Variants in ZFPM2 observed in about 807,000 individuals in gnomAD.
ZFPM2 encodes zinc finger protein, FOG family member 2.
ZFPM2 carries 20 observed loss-of-function variants against 98.6 expected under a neutral mutation model. The observed-to-expected ratio is 0.20, with a 90% CI of 0.14 to 0.29. The LOEUF (loss-of-function observed/expected upper bound fraction) is 0.29, where lower values mean the gene tolerates loss of function less well. ZFPM2 is among the 10% of genes least tolerant of loss of function. The pLI, the probability that ZFPM2 is intolerant of heterozygous loss-of-function variation, is 1.00. For missense variants in ZFPM2, 1,310 were observed against 1,388.6 expected (o/e 0.94, Z 0.90); for synonymous variants, 518 against 502.7 (o/e 1.03, Z -0.41).
Position 105,473,544 on chromosome 8 carries a change from G to C in ZFPM2, c.301+29163G>C, listed in dbSNP as rs576664997. Among the ~76,000 whole-genome samples the C allele has an allele frequency of 3.9e-5, 6 of 152,246 alleles. No individual in the cohort carries two copies. The South Asian group carries it at 6.2e-4, about 16-fold the overall frequency. On this transcript the variant is annotated intron_variant, in intron 3 of 7. Transcript: ENST00000407775. ...GATTCGAGATCTATTCAATTCTGGTGGGTTAAGAGAGGAAAGAAAAGAATC... is the reference window on the plus strand; with the variant it reads ...GATTCGAGATCTATTCAATTCTGGTCGGTTAAGAGAGGAAAGAAAAGAATC...
At chr8:105,394,069 A>G (rs1434543930) in intron 1 of ZFPM2, among the ~76,000 whole-genome samples, 1 of 151,608 alleles carries the variant, frequency 6.6e-6, no homozygotes, top group Non-Finnish European at 1.5e-5. Context: ...AATTTTTTGT[A>G]TTTTTATTAG....
intron 1 of ZFPM2, among the ~76,000 whole-genome samples, chr8:105,381,340 G>T: frequency 2.0e-5 from 3 of 151,896 alleles, no homozygotes; most frequent in Middle Eastern, 6.8e-3. Flanking sequence ...TCTTTTTCCA[G>T]TTTTTTTGAT....
chr8:105,532,083 G>A (rs926933680), intron 3 of ZFPM2, among the ~76,000 whole-genome samples: 12 of 151,718 alleles, frequency 7.9e-5, no homozygotes, highest in Non-Finnish European at 1.5e-4. Flanking sequence ...CTATTTTTTT[G>A]TAGAGACAGG....
intron 1 of ZFPM2, among the ~76,000 whole-genome samples, chr8:105,374,625 A>G (rs1245848154): frequency 1.3e-5 from 2 of 152,120 alleles, no homozygotes; most frequent in Non-Finnish European, 2.9e-5. Context: ...AGCTCAAGCA[A>G]TCCTCTTGCC....
intron 5 of ZFPM2, among the ~76,000 whole-genome samples, chr8:105,767,985 TTTGA>T (rs747638088): frequency 1.1e-4 from 17 of 152,036 alleles, no homozygotes; most frequent in Non-Finnish European, 1.5e-4. Flanking sequence ...TGAAAATAAT[TTTGA>T]TTGATCTTAT....
intron 1 of ZFPM2, among the ~76,000 whole-genome samples, chr8:105,409,487 C>T (rs1406032211): frequency 6.6e-6 from 1 of 151,860 alleles, no homozygotes; most frequent in Non-Finnish European, 1.5e-5. Context: ...TTAACCAGCA[C>T]TAAATGAGTA....
At chr8:105,435,536 A>G (rs1812102758) in intron 2 of ZFPM2, among the ~76,000 whole-genome samples, 1 of 152,076 alleles carries the variant, frequency 6.6e-6, no homozygotes, top group African/African-American at 2.4e-5. Context: ...TCCTCTTCCT[A>G]TCAACACAGC....
intron 5 of ZFPM2, among the ~76,000 whole-genome samples, chr8:105,768,740 T>C (rs759388443): frequency 6.6e-6 from 1 of 151,942 alleles, no homozygotes; most frequent in Non-Finnish European, 1.5e-5. Flanking sequence ...TGTAAAATTG[T>C]TTGGGAAAAA....
chr8:105,534,303 C>T (rs1814399054), intron 3 of ZFPM2, among the ~76,000 whole-genome samples: 1 of 113,412 alleles, frequency 8.8e-6, no homozygotes, highest in East Asian at 2.9e-4. Flanking sequence ...TTCTTCCTTC[C>T]TTCCTCCCAT....
chr8:105,537,560 G>A (rs910203241), intron 3 of ZFPM2, among the ~76,000 whole-genome samples: 1 of 152,100 alleles, frequency 6.6e-6, no homozygotes, highest in Admixed American at 6.6e-5. Context: ...GCATGTGCCT[G>A]TAGTCTCAGC....
At chr8:105,759,679 T>A (rs1812694142) in intron 5 of ZFPM2, among the ~76,000 whole-genome samples, 2 of 151,908 alleles carry the variant, frequency 1.3e-5, no homozygotes, top group South Asian at 2.1e-4. Context: ...TTGACTTTAT[T>A]ATTATCTTGA....
chr8:105,689,552 CT>C (rs1336617076), intron 5 of ZFPM2, among the ~76,000 whole-genome samples: 1 of 151,934 alleles, frequency 6.6e-6, no homozygotes, highest in African/African-American at 2.4e-5. Flanking sequence ...CATAGAAAAA[CT>C]TTTTTTGGCA....
intron 1 of ZFPM2, among the ~76,000 whole-genome samples, chr8:105,363,820 A>G (rs1187693530): frequency 6.6e-6 from 1 of 152,166 alleles, no homozygotes; most frequent in Non-Finnish European, 1.5e-5. Context: ...TGTGTAAGCC[A>G]TGAGATCTGA....
chr8:105,727,524 C>CCCA (rs1326026750), intron 5 of ZFPM2, among the ~76,000 whole-genome samples: 1 of 151,576 alleles, frequency 6.6e-6, no homozygotes, highest in African/African-American at 2.4e-5. Context: ...ATTATGCAAC[C>CCCA]AGTAGTTTTA....
At chr8:105,443,669 A>G (rs1231129240) in intron 2 of ZFPM2, among the ~76,000 whole-genome samples, 2 of 152,206 alleles carry the variant, frequency 1.3e-5, no homozygotes, top group African/African-American at 4.8e-5. Context: ...ATAAAATTGT[A>G]GAAACTAGCT....
intron 3 of ZFPM2, among the ~76,000 whole-genome samples, chr8:105,450,683 G>A (rs1412673525): frequency 1.3e-5 from 2 of 151,926 alleles, no homozygotes; most frequent in Non-Finnish European, 2.9e-5. Flanking sequence ...ATATGAAAAT[G>A]AGGCAGAGAG....
At chr8:105,650,494 G>A (rs1184344681) in intron 5 of ZFPM2, among the ~76,000 whole-genome samples, 2 of 152,088 alleles carry the variant, frequency 1.3e-5, no homozygotes, top group African/African-American at 2.4e-5. Flanking sequence ...GTTCTTTCCT[G>A]CTTTCTCTGA....
At chr8:105,526,568 G>T (rs1814178800) in intron 3 of ZFPM2, among the ~76,000 whole-genome samples, 2 of 152,186 alleles carry the variant, frequency 1.3e-5, no homozygotes, top group South Asian at 4.2e-4. Context: ...TGCATTTGAG[G>T]TTACAATATT....
chr8:105,534,066 TCCTTCCTCCCTCCCATCTTCCTC>T (rs1814377258), intron 3 of ZFPM2, among the ~76,000 whole-genome samples: 7 of 28,056 alleles, frequency 2.5e-4, no homozygotes, highest in African/African-American at 5.4e-4. Flanking sequence ...CTCCCTCCCT[TCCTTCCTCCCTCCCATCTTCCTC>T]CCTCCCTCCC....
Sources: gnomAD v4.1 joint callset for allele counts (sites outside exome capture counted in the v4.1 genomes callset) on GRCh38, gnomAD v4.1.1 for gene constraint, MANE v1.5 for transcripts, NCBI Gene and HGNC (gene_info 2026-07-23, HGNC 2026-07-21) for gene names.